ADK: variants seen among roughly 807,000 people sequenced by gnomAD.
ADK encodes the protein N6,N6-dimethyladenosine kinase.
ADK carries 24 observed loss-of-function variants against 44.7 expected under a neutral mutation model. That is an observed-to-expected ratio of 0.54 (90% CI 0.39 to 0.76). The LOEUF (loss-of-function observed/expected upper bound fraction) is 0.76, where lower values mean the gene tolerates loss of function less well. Among genes scored for constraint, ADK ranks in the 30% least tolerant of loss-of-function variants. The pLI is 0.00. For synonymous variants in ADK, 128 were observed against 142.6 expected (o/e 0.90, Z 0.73); for missense variants, 321 against 425.1 (o/e 0.76, Z 2.15).
chr10:74,651,278 C>T (rs184323432), intron 9 of ADK, among the ~76,000 whole-genome samples: 212 of 152,086 alleles, frequency 1.4e-3, no homozygotes, highest in African/African-American at 4.8e-3. Context: ...TCCCTAATTA[C>T]GGAGAACTGG....
At chr10:74,487,997 ATG>A (rs1477137629) in intron 6 of ADK, among the ~76,000 whole-genome samples, 2 of 152,028 alleles carry the variant, frequency 1.3e-5, no homozygotes, top group Non-Finnish European at 2.9e-5. Context: ...TAATGACTTA[ATG>A]TGTGTCCAAA....
intron 9 of ADK, among the ~76,000 whole-genome samples, chr10:74,652,589 C>T (rs1378637610): frequency 2.7e-5 from 4 of 150,454 alleles, no homozygotes; most frequent in Non-Finnish European, 5.9e-5. Flanking sequence ...GGTGAAACTC[C>T]GTCTCTGCTC....
chr10:74,304,355 G>A (rs1840177325), intron 3 of ADK, among the ~76,000 whole-genome samples: 1 of 151,902 alleles, frequency 6.6e-6, no homozygotes. Flanking sequence ...TGCTTACTAC[G>A]TTCAAGGTAA....
chr10:74,208,149 C>T (rs367701430), intron 2 of ADK, among the ~76,000 whole-genome samples: 1 of 152,374 alleles, frequency 6.6e-6, no homozygotes, highest in South Asian at 2.1e-4. Context: ...GGAACAGGCA[C>T]TTCTGAGTCT....
chr10:74,510,749 C>G (rs1363185988), intron 6 of ADK, among the ~76,000 whole-genome samples: 1 of 152,088 alleles, frequency 6.6e-6, no homozygotes, highest in Non-Finnish European at 1.5e-5. Flanking sequence ...GCTGTGTCAC[C>G]CAGGCTGCAG....
chr10:74,178,457 C>T (rs1006566568), intron 1 of ADK, among the ~76,000 whole-genome samples: 10 of 152,232 alleles, frequency 6.6e-5, no homozygotes, highest in Non-Finnish European at 1.3e-4. Context: ...CATTCCCACT[C>T]TTATTATCAC....
chr10:74,525,774 C>T (rs1248401992), intron 7 of ADK, among the ~76,000 whole-genome samples: 1 of 152,146 alleles, frequency 6.6e-6, no homozygotes, highest in East Asian at 1.9e-4. Flanking sequence ...CCTGCCTCAG[C>T]CTCCTAAGTA....
intron 4 of ADK, among the ~76,000 whole-genome samples, chr10:74,379,258 G>A (rs1189956956): frequency 6.6e-6 from 1 of 152,118 alleles, no homozygotes; most frequent in East Asian, 1.9e-4. Context: ...AAGCAGTTAT[G>A]GTAACTTGGA....
intron 3 of ADK, among the ~76,000 whole-genome samples, chr10:74,296,679 T>C (rs1483075931): frequency 7.2e-5 from 11 of 151,736 alleles, no homozygotes; most frequent in African/African-American, 2.7e-4. Flanking sequence ...TGGCGCCATC[T>C]TGGCTCACTG....
At chr10:74,181,737 T>C (rs1265967681) in intron 1 of ADK, among the ~76,000 whole-genome samples, 2 of 152,254 alleles carry the variant, frequency 1.3e-5, no homozygotes, top group African/African-American at 2.4e-5. Context: ...TATTTTTCAC[T>C]GAGCAACACT....
rs1055671680 is a variant in ADK at position 74,438,763 on chromosome 10, C to T, written c.555+40184C>T. 5.9e-5 allele frequency among the ~76,000 whole-genome samples: 9 copies of T among 152,006 alleles called. No individual in the cohort carries two copies. In the East Asian group the frequency reaches 9.6e-4, roughly 16 times the overall value. Reference sequence around the variant, plus strand: ...ACCCCCTCTTTTTAGGTTGTATAATCATTAGTTTTATTTTCATCTCTGATT... The same window carrying T: ...ACCCCCTCTTTTTAGGTTGTATAATTATTAGTTTTATTTTCATCTCTGATT... On this transcript the variant is annotated intron_variant, in intron 6 of 10. Transcript: ENST00000539909.
intron 9 of ADK, among the ~76,000 whole-genome samples, chr10:74,608,251 C>G (rs1448061608): frequency 6.6e-6 from 1 of 151,946 alleles, no homozygotes; most frequent in Non-Finnish European, 1.5e-5. Flanking sequence ...CAAACTAGTT[C>G]TCTGTGCAGT....
chr10:74,348,443 A>G (rs1564667539), intron 4 of ADK, among the ~76,000 whole-genome samples: 1 of 152,176 alleles, frequency 6.6e-6, no homozygotes, highest in East Asian at 1.9e-4. Flanking sequence ...CATCAGCCTC[A>G]AAGATCAAAG....
At chr10:74,368,723 G>C (rs977286435) in intron 4 of ADK, among the ~76,000 whole-genome samples, 2 of 151,598 alleles carry the variant, frequency 1.3e-5, no homozygotes, top group African/African-American at 4.8e-5. Flanking sequence ...TCTGCCTCCT[G>C]TGTTCAAGTG....
At chr10:74,573,826 T>G (rs1403529633) in intron 7 of ADK, among the ~76,000 whole-genome samples, 1 of 152,136 alleles carries the variant, frequency 6.6e-6, no homozygotes, top group Admixed American at 6.5e-5. Flanking sequence ...CGGGATATAA[T>G]CTCCTGGTGC....
intron 7 of ADK, among the ~76,000 whole-genome samples, chr10:74,586,092 C>T (rs1165856207): frequency 2.6e-5 from 4 of 152,110 alleles, no homozygotes; most frequent in African/African-American, 7.2e-5. Context: ...ACTGTTCCCC[C>T]GTGTTGTTTT....
At chr10:74,430,224 T>C (rs1844935313) in intron 6 of ADK, among the ~76,000 whole-genome samples, 1 of 152,178 alleles carries the variant, frequency 6.6e-6, no homozygotes, top group South Asian at 2.1e-4. Flanking sequence ...AGAGATCTCA[T>C]GTACTTTTTA....
intron 7 of ADK, among the ~76,000 whole-genome samples, chr10:74,532,133 T>C (rs1849309419): frequency 6.6e-6 from 1 of 152,174 alleles, no homozygotes; most frequent in Admixed American, 6.5e-5. Flanking sequence ...ATTAAATATG[T>C]TAAGACTAAA....
At chr10:74,613,150 C>G (rs1028758474) in intron 9 of ADK, among the ~76,000 whole-genome samples, 1 of 152,030 alleles carries the variant, frequency 6.6e-6, no homozygotes, top group South Asian at 2.1e-4. Flanking sequence ...CAATCTGATA[C>G]AACCCTGTGA....
Sources: allele counts gnomAD v4.1 joint callset (sites outside exome capture counted in the v4.1 genomes callset), GRCh38; gene constraint gnomAD v4.1.1; transcripts MANE v1.5; gene names NCBI Gene and HGNC (gene_info 2026-07-23, HGNC 2026-07-21).